The following CD44 variants were observed in gnomAD, a reference collection of about 807,000 sequenced individuals.
CD44 encodes the protein CD44 antigen.
CD44 carries 49 observed loss-of-function variants against 88.8 expected under a neutral mutation model. The ratio of observed to expected loss-of-function variants is 0.55; its 90% CI spans 0.44 to 0.70. The LOEUF (loss-of-function observed/expected upper bound fraction) is 0.70, where lower values mean the gene tolerates loss of function less well. Ranked by LOEUF, CD44 falls within the 30% of genes least tolerant of loss-of-function variation. The pLI is 0.00. For missense variants in CD44, 883 were observed against 913.8 expected (o/e 0.97, Z 0.43); for synonymous variants, 325 against 312.3 (o/e 1.04, Z -0.43).
chr11:35,185,631 C>G (rs1441895175), intron 3 of CD44, among the ~76,000 whole-genome samples: 1 of 152,216 alleles, frequency 6.6e-6, no homozygotes, highest in African/African-American at 2.4e-5. Context: ...TCTCCTTCTT[C>G]CTCTTTGCCA....
chr11:35,147,127 G>T (rs1422941907), intron 1 of CD44, among the ~76,000 whole-genome samples: 2 of 152,164 alleles, frequency 1.3e-5, no homozygotes, highest in African/African-American at 4.8e-5. Context: ...TTCATTATTT[G>T]TCACCTGGAT....
intron 1 of CD44, among the ~76,000 whole-genome samples, chr11:35,171,354 C>T (rs760498865): frequency 2.1e-4 from 32 of 152,188 alleles, no homozygotes; most frequent in Admixed American, 1.2e-3. Flanking sequence ...AGCTAAATAG[C>T]GTCAGGGTTA....
At chr11:35,215,246 C>G (rs1365043380) in intron 15 of CD44, among the ~76,000 whole-genome samples, 1 of 152,176 alleles carries the variant, frequency 6.6e-6, no homozygotes, top group Non-Finnish European at 1.5e-5. Flanking sequence ...CAAGCAGTGT[C>G]CCAATTTAAC....
intron 3 of CD44, among the ~76,000 whole-genome samples, chr11:35,181,873 A>AT (rs1945074988): frequency 1.2e-5 from 1 of 80,130 alleles, no homozygotes; most frequent in African/African-American, 6.2e-5. Flanking sequence ...ATATATATAT[A>AT]TTATATATAA....
intron 1 of CD44, among the ~76,000 whole-genome samples, chr11:35,154,693 A>G (rs1226777220): frequency 6.6e-6 from 1 of 152,202 alleles, no homozygotes; most frequent in East Asian, 1.9e-4. Context: ...ATGGAGTTAT[A>G]GGTATCATGA....
chr11:35,199,241 G>GA (rs1034682275), intron 7 of CD44, among the ~76,000 whole-genome samples: 1 of 152,142 alleles, frequency 6.6e-6, no homozygotes, highest in Non-Finnish European at 1.5e-5. Context: ...CCAAATTTTT[G>GA]ACAATTATAA....
At chr11:35,204,119 A>G (rs1947580360) in intron 9 of CD44, among the ~76,000 whole-genome samples, 1 of 152,214 alleles carries the variant, frequency 6.6e-6, no homozygotes, top group African/African-American at 2.4e-5. Flanking sequence ...GCTGTTATAC[A>G]GTGTTTTCCT....
In CD44 at chr11:35,222,419, G is replaced by A. The variant is rs756401395; in HGVS notation, c.2024+687G>A. On this transcript the variant is annotated intron_variant, in intron 17 of 17. Transcript: ENST00000428726. The stretch of plus-strand genomic sequence containing the variant: ...AGCATAAGAAGAGCACTGTTTCATC[G>A]TCTTCTTGCTGTTAGGAGGTCTATG... 4.4e-5 allele frequency: 57 copies of A among 1,295,094 alleles called. 1 individual carries two copies. In the South Asian group the frequency reaches 5.6e-4, roughly 13 times the overall value. The allele number at this position is 1,295,094 out of a possible 1,614,324, so 80.2% of individuals were successfully genotyped here.
At chr11:35,148,774 GC>G (rs1170788714) in intron 1 of CD44, among the ~76,000 whole-genome samples, 5 of 152,204 alleles carry the variant, frequency 3.3e-5, no homozygotes, top group Non-Finnish European at 5.9e-5. Context: ...CACTTGGATG[GC>G]TTACTGAATT....
intron 1 of CD44, among the ~76,000 whole-genome samples, chr11:35,151,551 C>T (rs1165217620): frequency 6.6e-6 from 1 of 152,220 alleles, no homozygotes; most frequent in East Asian, 1.9e-4. Context: ...TCCCAAAATG[C>T]TGTACTAAGA....
At chr11:35,139,409 G>C in intron 1 of CD44, 39 bp downstream of exon 1, 4 of 1,538,212 alleles carry the variant, frequency 2.6e-6, no homozygotes, top group Non-Finnish European at 3.5e-6. Context: ...AGATGGGTGC[G>C]GGGTGCTCAG....
chr11:35,154,499 AAGT>A (rs1941595120), intron 1 of CD44, among the ~76,000 whole-genome samples: 1 of 152,198 alleles, frequency 6.6e-6, no homozygotes, highest in South Asian at 2.1e-4. Context: ...CTTCAGATGC[AAGT>A]ACATGTCATA....
At chr11:35,227,080 TG>T (rs1949756380) in intron 17 of CD44, among the ~76,000 whole-genome samples, 1 of 151,998 alleles carries the variant, frequency 6.6e-6, no homozygotes, top group African/African-American at 2.4e-5. Flanking sequence ...TTGGTAGAGA[TG>T]GGGTTTCACC....
intron 4 of CD44, among the ~76,000 whole-genome samples, chr11:35,187,365 A>G (rs907263644): frequency 6.6e-6 from 1 of 152,146 alleles, no homozygotes; most frequent in Admixed American, 6.5e-5. Flanking sequence ...TTTTTCTGCA[A>G]TGACTTGAAA....
At chr11:35,217,147 A>G (rs1175417556) in intron 15 of CD44, among the ~76,000 whole-genome samples, 1 of 152,050 alleles carries the variant, frequency 6.6e-6, no homozygotes, top group Non-Finnish European at 1.5e-5. Flanking sequence ...TGAAGTGAGA[A>G]TCAAGCAGAC....
Position 35,231,902 on chromosome 11 carries a change from C to G in CD44, c.*2569C>G, listed in dbSNP as rs976402323. 5.3e-5 allele frequency: 8 copies of G among 152,166 alleles called. No individual in the cohort carries two copies. Among genetic ancestry groups the G allele is most frequent in the Non-Finnish European group, 1.2e-4 (8 of 68,020 alleles). 9.4% of individuals were successfully genotyped at this position (152,166 alleles called of 1,614,324 possible). ...CTGAAGACTTCCCTTAAAATTAGCT[C>G]TGAGTGAAAAATCAAAAGAGACAAA... On this transcript the variant is annotated 3_prime_UTR_variant, in exon 18 of 18. Coordinates refer to ENST00000428726, the MANE Select transcript of CD44 (RefSeq NM_000610.4).
intron 11 of CD44, 134 bp downstream of exon 11, chr11:35,206,377 T>C (rs1263502296): frequency 3.4e-6 from 3 of 869,932 alleles, no homozygotes; most frequent in Non-Finnish European, 5.1e-6. Flanking sequence ...CTTCAAAAAT[T>C]AGTTTTCTTG....
intron 2 of CD44, among the ~76,000 whole-genome samples, chr11:35,178,780 T>C (rs6484769): frequency 0.69 from 104,528 of 152,072 alleles, 36,658 homozygotes; most frequent in East Asian, 0.96. Context: ...GGTGAGTTGG[T>C]GGGTAGGTTC....
intron 1 of CD44, among the ~76,000 whole-genome samples, chr11:35,156,174 T>C (rs946760732): frequency 6.6e-6 from 1 of 152,200 alleles, no homozygotes; most frequent in Non-Finnish European, 1.5e-5. Context: ...TCCTTCCTAA[T>C]AGTTTGAGTC....
Sources: gnomAD v4.1 joint callset for allele counts (sites outside exome capture counted in the v4.1 genomes callset) on GRCh38, gnomAD v4.1.1 for gene constraint, MANE v1.5 for transcripts, NCBI Gene and HGNC (gene_info 2026-07-23, HGNC 2026-07-21) for gene names.